The following SGCD variants were observed in gnomAD, a reference collection of about 807,000 sequenced individuals.
SGCD encodes delta-sarcoglycan.
A neutral mutation model predicts 36.6 loss-of-function variants in SGCD; 18 were observed. The ratio of observed to expected loss-of-function variants is 0.49; its 90% CI spans 0.34 to 0.73. The LOEUF (loss-of-function observed/expected upper bound fraction) is 0.73, where lower values mean the gene tolerates loss of function less well. Ranked by LOEUF, SGCD falls within the 30% of genes least tolerant of loss-of-function variation. The pLI, the probability that SGCD is intolerant of heterozygous loss-of-function variation, is 0.01. For missense variants in SGCD, 387 were observed against 346.7 expected (o/e 1.12, Z -0.92); for synonymous variants, 133 against 130.6 (o/e 1.02, Z -0.12).
intron 4 of SGCD, among the ~76,000 whole-genome samples, chr5:156,535,653 C>T (rs9313970): frequency 0.058 from 8,794 of 152,146 alleles, 729 homozygotes; most frequent in African/African-American, 0.18. Context: ...ATAGAGACTG[C>T]CATGTTAATG....
At chr5:155,785,275 A>G in the SGCD span, among the ~76,000 whole-genome samples, 2 of 152,102 alleles carry the variant, frequency 1.3e-5, no homozygotes, top group South Asian at 4.1e-4. Context: ...TTTATTTTTT[A>G]ATTTTATTTA....
rs558057819 is a variant in SGCD at position 155,926,010 on chromosome 5, G to T, written c.-282+55586G>T. Among the ~76,000 whole-genome samples the T allele has an allele frequency of 1.9e-3, 285 of 151,964 alleles. 2 individuals carry two copies. Among genetic ancestry groups the T allele is most frequent in the African/African-American group, 6.6e-3 (273 of 41,430 alleles). On this transcript the variant is annotated intron_variant, in intron 1 of 9. Transcript: ENST00000517913. ...ATTCCTGGTCTCAAGTGATCCTCCT[G>T]CTTCAGCCTCCCAAAGTACTGACAT...
At chr5:155,735,377 C>T in the SGCD span, among the ~76,000 whole-genome samples, 4 of 152,170 alleles carry the variant, frequency 2.6e-5, no homozygotes, top group East Asian at 1.9e-4. Context: ...CAGAAAGACA[C>T]GTTTGATTCT....
At chr5:156,011,312 A>G (rs1443114029) in intron 1 of SGCD, among the ~76,000 whole-genome samples, 2 of 152,206 alleles carry the variant, frequency 1.3e-5, no homozygotes, top group East Asian at 3.8e-4. Flanking sequence ...GTACTACAGT[A>G]TGCATATAGT....
At chr5:155,904,422 T>C (rs1009626817) in intron 1 of SGCD, among the ~76,000 whole-genome samples, 1 of 152,238 alleles carries the variant, frequency 6.6e-6, no homozygotes, top group Non-Finnish European at 1.5e-5. Context: ...AGTACATTCA[T>C]AGTGTTGTAC....
chr5:156,708,664 A>ACTGT (rs1754847167), intron 7 of SGCD, among the ~76,000 whole-genome samples: 1 of 151,864 alleles, frequency 6.6e-6, no homozygotes, highest in South Asian at 2.1e-4. Context: ...CTTCAAATAC[A>ACTGT]TTGTAAATTC....
intron 6 of SGCD, among the ~76,000 whole-genome samples, chr5:156,632,223 A>G (rs1388782159): frequency 6.6e-5 from 10 of 152,088 alleles, no homozygotes; most frequent in African/African-American, 2.4e-4. Context: ...CCCCTAGACC[A>G]AACACTCTTT....
At chr5:156,071,696 C>A (rs138126610) in intron 1 of SGCD, among the ~76,000 whole-genome samples, 4,030 of 152,264 alleles carry the variant, frequency 0.026, 224 homozygotes, top group Admixed American at 0.13. Context: ...TGTTAACTTT[C>A]TGTCTCATTG....
chr5:155,841,010 CAA>C, the SGCD span, among the ~76,000 whole-genome samples: 7 of 61,074 alleles, frequency 1.1e-4, no homozygotes, highest in Non-Finnish European at 1.1e-4. Flanking sequence ...GACTCCATCT[CAA>C]AAAAAAAAAA....
chr5:156,600,936 A>T lies in SGCD; in HGVS notation c.502+5885A>T, dbSNP rs186549559. On this transcript the variant is annotated intron_variant, in intron 6 of 8. Transcript: ENST00000337851. ...GGTTAATGATGTTGAGCATATTTTC[A>T]TATACCTGTTGAACATTGGTATGTT... Among the ~76,000 whole-genome samples, 38 of 152,292 alleles carry T rather than the reference A, an allele frequency of 2.5e-4. No homozygotes were observed. In the East Asian group the frequency reaches 3.5e-3, roughly 14 times the overall value.
At chr5:156,101,545 G>C (rs550234244) in intron 1 of SGCD, among the ~76,000 whole-genome samples, 2 of 152,090 alleles carry the variant, frequency 1.3e-5, no homozygotes, top group Non-Finnish European at 2.9e-5. Context: ...AATCGTTATT[G>C]CCCCTTTGAT....
intron 3 of SGCD, among the ~76,000 whole-genome samples, chr5:156,411,379 G>A (rs574477248): frequency 3.6e-4 from 55 of 152,316 alleles, no homozygotes; most frequent in African/African-American, 1.1e-3. Flanking sequence ...TACAGGGGTC[G>A]CATGGAGCAG....
chr5:156,217,087 A>T (rs1051513329), intron 3 of SGCD, among the ~76,000 whole-genome samples: 100 of 152,300 alleles, frequency 6.6e-4, no homozygotes, highest in Middle Eastern at 3.4e-3. Flanking sequence ...CAAATAAAAA[A>T]AATAATAAAA....
At chr5:156,598,414 C>T (rs1355013844) in intron 6 of SGCD, among the ~76,000 whole-genome samples, 4 of 152,122 alleles carry the variant, frequency 2.6e-5, no homozygotes, top group African/African-American at 9.7e-5. Flanking sequence ...TGGTGGCACA[C>T]AGCTGTAATC....
intron 1 of SGCD, among the ~76,000 whole-genome samples, chr5:156,025,368 A>G (rs990852372): frequency 1.3e-5 from 2 of 152,218 alleles, no homozygotes; most frequent in Admixed American, 6.5e-5. Context: ...AGAATCTTCT[A>G]TTTGCCCAGG....
intron 3 of SGCD, among the ~76,000 whole-genome samples, chr5:156,391,298 C>T (rs1771548574): frequency 6.6e-6 from 1 of 152,176 alleles, no homozygotes. Flanking sequence ...GCTCTACTAT[C>T]TAGGTTTGTG....
At chr5:156,586,207 T>C (rs1357025889) in intron 4 of SGCD, among the ~76,000 whole-genome samples, 3 of 152,184 alleles carry the variant, frequency 2.0e-5, no homozygotes, top group African/African-American at 7.2e-5. Flanking sequence ...TCGACAGTTT[T>C]GAAGGGTACT....
At chr5:156,303,315 A>C (rs546299930) in intron 3 of SGCD, among the ~76,000 whole-genome samples, 2 of 152,122 alleles carry the variant, frequency 1.3e-5, no homozygotes, top group South Asian at 4.2e-4. Context: ...TCTAGGCCCA[A>C]AGGTCTTTAG....
intron 1 of SGCD, among the ~76,000 whole-genome samples, chr5:156,040,632 G>A (rs1485420663): frequency 1.3e-5 from 2 of 152,184 alleles, no homozygotes; most frequent in Non-Finnish European, 2.9e-5. Flanking sequence ...TTTGCTGTCA[G>A]AGCAAATGAA....
Sources: gnomAD v4.1 joint callset for allele counts (sites outside exome capture counted in the v4.1 genomes callset) on GRCh38, gnomAD v4.1.1 for gene constraint, MANE v1.5 for transcripts, NCBI Gene and HGNC (gene_info 2026-07-23, HGNC 2026-07-21) for gene names.